The following IFT43 variants were observed in gnomAD, a reference collection of about 807,000 sequenced individuals.
The protein encoded by IFT43 is intraflagellar transport protein 43 homolog.
In IFT43, 33 loss-of-function variants were observed where a neutral mutation model predicts 32.3. That is an observed-to-expected ratio of 1.02 (90% CI 0.77 to 1.37). The LOEUF is 1.37. Among genes scored for constraint, IFT43 ranks in the 40% most tolerant of loss-of-function variants. The probability of loss-of-function intolerance (pLI) is 0.00; values close to 1 mark genes in which losing one functional copy is unlikely to be tolerated. For missense variants in IFT43, 274 were observed against 265.9 expected, an observed-to-expected ratio of 1.03 and a Z score of -0.21; for synonymous variants, 93 against 98.2, an observed-to-expected ratio of 0.95 and a Z score of 0.31.
At chr14:76,036,850 C>T (rs1183504073) in intron 3 of IFT43, among the ~76,000 whole-genome samples, 1 of 147,998 alleles carries the variant, frequency 6.8e-6, no homozygotes, top group African/African-American at 2.5e-5. Flanking sequence ...TTTTTAGAAA[C>T]AGGATCTTGC....
chr14:76,026,249 T>C (rs912525428), intron 3 of IFT43, among the ~76,000 whole-genome samples: 21 of 152,176 alleles, frequency 1.4e-4, no homozygotes, highest in African/African-American at 5.1e-4. Context: ...CCAGTCAGAA[T>C]GGCAGTTATT....
intron 3 of IFT43, among the ~76,000 whole-genome samples, chr14:76,042,544 T>C (rs1452772327): frequency 1.3e-5 from 2 of 152,214 alleles, no homozygotes; most frequent in Non-Finnish European, 2.9e-5. Flanking sequence ...CTAGCATCCT[T>C]TGGCCTCGCT....
chr14:76,011,879 T>G (rs1339731787), intron 2 of IFT43, among the ~76,000 whole-genome samples: 1 of 151,860 alleles, frequency 6.6e-6, no homozygotes, highest in Non-Finnish European at 1.5e-5. Flanking sequence ...ATTGCAGGAG[T>G]AGATGCCAGC....
chr14:76,002,354 G>A (rs2035902446), intron 2 of IFT43, among the ~76,000 whole-genome samples: 2 of 52,562 alleles, frequency 3.8e-5, no homozygotes, highest in South Asian at 5.1e-4. Context: ...GGGGAAGTGT[G>A]GTAAAAAGGT....
chr14:76,037,945 C>T (rs565164461), intron 3 of IFT43: 45 of 152,278 alleles, frequency 3.0e-4, no homozygotes, highest in African/African-American at 1.0e-3. Flanking sequence ...GCTCTGATTT[C>T]CAGTAAAGTA....
At chr14:76,062,742 C>T (rs1015398491) in intron 5 of IFT43, among the ~76,000 whole-genome samples, 6 of 151,596 alleles carry the variant, frequency 4.0e-5, no homozygotes, top group East Asian at 3.9e-4. Context: ...ATGGCGAAAC[C>T]GCATCTCTTA....
chr14:76,040,126 AT>A (rs374750451), intron 3 of IFT43, among the ~76,000 whole-genome samples: 6 of 150,146 alleles, frequency 4.0e-5, no homozygotes, highest in Non-Finnish European at 8.9e-5. Context: ...CTAATTTTTT[AT>A]TTTTTTTTGT....
intron 5 of IFT43, among the ~76,000 whole-genome samples, chr14:76,065,107 G>T (rs531468007): frequency 1.3e-5 from 2 of 152,100 alleles, no homozygotes; most frequent in African/African-American, 4.8e-5. Context: ...AGGACATCTC[G>T]TCCAGACCTG....
intron 5 of IFT43, among the ~76,000 whole-genome samples, chr14:76,070,122 A>G (rs2037293611): frequency 6.6e-6 from 1 of 152,204 alleles, no homozygotes; most frequent in Non-Finnish European, 1.5e-5. Context: ...AACAGGGAAA[A>G]CAGGTAAAAG....
chr14:76,049,789 A>G (rs1194945644), intron 3 of IFT43, among the ~76,000 whole-genome samples: 1 of 151,858 alleles, frequency 6.6e-6, no homozygotes, highest in African/African-American at 2.4e-5. Flanking sequence ...GTTGCAAAAT[A>G]TTAGATCATT....
At chr14:76,079,332 T>A (rs2037466770) in intron 5 of IFT43, among the ~76,000 whole-genome samples, 2 of 152,240 alleles carry the variant, frequency 1.3e-5, no homozygotes, top group Admixed American at 1.3e-4. Context: ...TATTATAATA[T>A]CGGTGAAGTC....
rs536498723 is a variant in IFT43, at chr14:76,046,570, G to A, written c.216-12072G>A. ...GCCTCAAGCAAGGACAAGCAGCACAGGGAAGAGACTGGATGAGGACAACCA... is the reference window on the plus strand; with the variant it reads ...GCCTCAAGCAAGGACAAGCAGCACAAGGAAGAGACTGGATGAGGACAACCA... On this transcript the variant is annotated intron_variant, in intron 3 of 8. Transcript: ENST00000314067. Among the ~76,000 whole-genome samples the A allele has an allele frequency of 2.0e-5, 3 of 152,288 alleles. 1 individual carries two copies. The highest frequency in any genetic ancestry group is 7.2e-5 in the African/African-American group (3 of 41,570).
intron 2 of IFT43, among the ~76,000 whole-genome samples, chr14:75,998,135 G>C (rs188090870): frequency 1.4e-4 from 22 of 152,188 alleles, no homozygotes; most frequent in Admixed American, 1.0e-3. Context: ...ATCACAGTTT[G>C]TAATCATATG....
intron 3 of IFT43, among the ~76,000 whole-genome samples, chr14:76,025,414 A>G (rs1350443899): frequency 6.6e-6 from 1 of 152,172 alleles, no homozygotes; most frequent in Admixed American, 6.5e-5. Context: ...TTAAACTACC[A>G]TTGACATTCT....
chr14:76,033,093 A>T (rs1445694680), intron 3 of IFT43, among the ~76,000 whole-genome samples: 1 of 152,200 alleles, frequency 6.6e-6, no homozygotes, highest in African/African-American at 2.4e-5. Context: ...AGATCATTGG[A>T]TTTGGCTATT....
chr14:76,062,590 G>A (rs111931663), intron 5 of IFT43, among the ~76,000 whole-genome samples: 2,495 of 152,086 alleles, frequency 0.016, 70 homozygotes, highest in African/African-American at 0.057. Context: ...CACATTGAAC[G>A]TGTATTGCTT....
intron 5 of IFT43, chr14:76,076,518 C>G: frequency 6.3e-7 from 1 of 1,589,972 alleles, no homozygotes; most frequent in Non-Finnish European, 8.6e-7. Flanking sequence ...GATTTATACT[C>G]CAGGTGAAGA....
At position 76,082,988 on chromosome 14, in the gene IFT43, C is replaced by T. The variant is rs80180808; in HGVS notation, c.445-239C>T. On this transcript the variant is annotated intron_variant, in intron 7 of 8. Coordinates refer to ENST00000314067, the MANE Select transcript of IFT43 (RefSeq NM_001102564.3). ...CCTGTGGCTGTACTGCTGTCACACT[C>T]GGTCCTCCTGGTATGGTCCTTTGCC... Among the ~76,000 whole-genome samples, 220 of 152,286 alleles carry T rather than the reference C, an allele frequency of 1.4e-3. 1 individual carries two copies. The highest frequency in any genetic ancestry group is 5.1e-3 in the African/African-American group (212 of 41,560).
intron 5 of IFT43, chr14:76,076,679 T>C (rs1465990227): frequency 6.2e-7 from 1 of 1,614,182 alleles, no homozygotes; most frequent in Non-Finnish European, 8.5e-7. Flanking sequence ...GCTGGCTTCA[T>C]TGGAAGAGGC....
Sources: gnomAD v4.1 joint callset for allele counts (sites outside exome capture counted in the v4.1 genomes callset) on GRCh38, gnomAD v4.1.1 for gene constraint, MANE v1.5 for transcripts, NCBI Gene and HGNC (gene_info 2026-07-23, HGNC 2026-07-21) for gene names.